SMC2: variants seen among roughly 807,000 people sequenced by gnomAD.
SMC2 encodes the protein structural maintenance of chromosomes 2.
A neutral mutation model predicts 142.6 loss-of-function variants in SMC2; 41 were observed. The ratio of observed to expected loss-of-function variants is 0.29; its 90% CI spans 0.22 to 0.37. SMC2 has a LOEUF of 0.37. Ranked by LOEUF, SMC2 falls within the 10% of genes least tolerant of loss-of-function variation. The pLI, the probability that SMC2 is intolerant of heterozygous loss-of-function variation, is 1.00. For synonymous variants in SMC2, 463 were observed against 457.5 expected, an observed-to-expected ratio of 1.01 and a Z score of -0.15; for missense variants, 1,265 against 1,373.7, an observed-to-expected ratio of 0.92 and a Z score of 1.25.
At position 104,097,524 on chromosome 9, in the gene SMC2, A is replaced by AG. The variant is rs1830591207; in HGVS notation, c.319-922_319-921insG. Among the ~76,000 whole-genome samples the AG allele has an allele frequency of 1.3e-5, 2 of 151,122 alleles. 1 individual carries two copies. The highest frequency in any genetic ancestry group is 4.1e-4 in the South Asian group (2 of 4,820). On this transcript the variant is annotated intron_variant, in intron 3 of 24. Coordinates refer to ENST00000374793, the MANE Select transcript of SMC2 (RefSeq NM_006444.3). ...CCTCTGGTTGAAAAAAAAAAAAAAA[A>AG]AAGAAGCGTAGGCCACGTTAGGACA...
chr9:104,088,815 A>G, the SMC2 span, among the ~76,000 whole-genome samples: 1 of 152,256 alleles, frequency 6.6e-6, no homozygotes, highest in African/African-American at 2.4e-5. Context: ...TTCCTTGGAG[A>G]CAGGCAGACA....
intron 23 of SMC2, among the ~76,000 whole-genome samples, chr9:104,135,688 G>A (rs1835450007): frequency 6.6e-6 from 1 of 152,158 alleles, no homozygotes; most frequent in Non-Finnish European, 1.5e-5. Context: ...AAAGCAGCTA[G>A]AGGAAAAGAG....
chr9:104,131,593 G>C (rs1834973768), intron 21 of SMC2, among the ~76,000 whole-genome samples: 1 of 151,192 alleles, frequency 6.6e-6, no homozygotes. Flanking sequence ...TCACTGCTAA[G>C]GCTGACCTTA....
At chr9:104,123,493 CTT>C (rs1833948594) in intron 17 of SMC2, among the ~76,000 whole-genome samples, 2 of 152,152 alleles carry the variant, frequency 1.3e-5, no homozygotes, top group South Asian at 4.1e-4. Flanking sequence ...TTTCTCCAGA[CTT>C]TTAAAATTTT....
upstream of SMC2, among the ~76,000 whole-genome samples, chr9:104,091,165 A>G (rs1466390680): frequency 6.6e-6 from 1 of 152,242 alleles, no homozygotes; most frequent in Non-Finnish European, 1.5e-5. Flanking sequence ...TTGCCTAACG[A>G]CGAGATACGT....
intron 9 of SMC2, among the ~76,000 whole-genome samples, chr9:104,104,423 G>A (rs979177481): frequency 2.0e-5 from 3 of 152,128 alleles, no homozygotes; most frequent in East Asian, 1.9e-4. Context: ...TTATTTGCAC[G>A]TGCTCAACTT....
At chr9:104,138,315 T>C in intron 24 of SMC2, 150 bp downstream of exon 24, 1 of 615,298 alleles carries the variant, frequency 1.6e-6, no homozygotes, top group Non-Finnish European at 2.5e-6. Context: ...TATGTTTAAA[T>C]AGGTATAGAA....
chr9:104,101,776 T>G (rs960086442), intron 7 of SMC2, among the ~76,000 whole-genome samples, 184 bp from the exon 8 acceptor site: 2 of 152,218 alleles, frequency 1.3e-5, no homozygotes, highest in Admixed American at 6.5e-5. Context: ...CTAGAGATGG[T>G]AGAATGCTAT....
intron 4 of SMC2, 24 bp downstream of exon 4, chr9:104,098,592 T>A (rs201849086): frequency 6.4e-7 from 1 of 1,574,658 alleles, no homozygotes; most frequent in Non-Finnish European, 8.6e-7. Context: ...GGTCTTTATA[T>A]CACTTTCGTA....
Position 104,138,120 on chromosome 9 carries a change from C to A in SMC2, c.3372C>A (p.Thr1124=). The A allele has an allele frequency of 1.2e-6, 2 of 1,608,898 alleles. No individual in the cohort carries two copies. Among genetic ancestry groups the A allele is most frequent in the Non-Finnish European group, 1.7e-6 (2 of 1,176,690 alleles). Residue 1124 remains threonine, a synonymous_variant, in exon 24 of 25, where the codon ACC becomes ACA. Transcript: ENST00000374793. ...EVDAALDLSH[T]QNIGQMLRTH... ...ATGCAGCCTTGGATCTTTCTCATAC[C>A]CAAAACATTGGACAGATGCTGCGTA...
intron 21 of SMC2, 128 bp from the exon 22 acceptor site, chr9:104,131,881 A>G (rs1835014498): frequency 8.6e-6 from 5 of 583,544 alleles, no homozygotes. Flanking sequence ...AGTGCATTAT[A>G]TCTTTTTGGT....
chr9:104,134,168 A>G (rs952075061), intron 22 of SMC2, among the ~76,000 whole-genome samples: 1 of 151,962 alleles, frequency 6.6e-6, no homozygotes. Context: ...CATATAGTAA[A>G]TATTTTTTGC....
chr9:104,102,316 GATAAT>G, intron 8 of SMC2, 103 bp from the exon 9 acceptor site: 1 of 1,144,032 alleles, frequency 8.7e-7, no homozygotes, highest in Non-Finnish European at 1.2e-6. Context: ...CTTATAGTAA[GATAAT>G]GAAATAACTT....
At position 104,113,455 on chromosome 9, in the gene SMC2, T is replaced by C. The variant is rs1398336625; in HGVS notation, c.1394T>C (p.Met465Thr). 1.2e-6 allele frequency: 2 copies of C among 1,600,988 alleles called. No homozygotes were observed. The highest frequency in any genetic ancestry group is 1.7e-6 in the Non-Finnish European group (2 of 1,175,140). ...CTTAAAGAAAAACTTGAAGCTGAAA[T>C]GAAAAAGCTAAATTATGAAGGTTTG... ...KRLKEKLEAE[M>T]KKLNYEENKE... The change falls in exon 11 of 25, where the codon ATG becomes ACG. Residue 465 changes from methionine (M) to threonine (T), a missense_variant. By Grantham distance (81) the Met-to-Thr change is moderately conservative. Transcript: ENST00000374793.
Position 104,139,946 on chromosome 9 carries a change from T to C in SMC2, c.*631T>C, listed in dbSNP as rs528076702. 1 of 152,270 alleles carries C rather than the reference T, an allele frequency of 6.6e-6. No individual in the cohort carries two copies. The highest frequency in any genetic ancestry group is 2.4e-5 in the African/African-American group (1 of 41,570). 9.4% of individuals were successfully genotyped at this position (152,270 alleles called of 1,614,324 possible). A position where few individuals can be genotyped will look rare whatever the true frequency, so the allele number is the denominator to read the frequency against. On this transcript the variant is annotated 3_prime_UTR_variant, in exon 25 of 25. Transcript: ENST00000374793. ...TTGGTCTCTACGTTTTAATGATACA[T>C]GAATATCATGTTCCTATACGCTTAA...
Position 104,118,297 on chromosome 9 carries a change from G to T in SMC2, c.1918G>T (p.Ala640Ser), listed in dbSNP as rs139309078. ...CAATATGGATAATGCCAAAAAAGTG[G>T]CCTTTGATAAGAGGATAATGACTAG... ...CDNMDNAKKV[A>S]FDKRIMTRTV... Residue 640 changes from alanine to serine, a missense_variant, in exon 15 of 25, where the codon GCC (alanine) becomes TCC (serine). Transcript: ENST00000374793. 3.2e-5 allele frequency: 51 copies of T among 1,613,400 alleles called. No homozygotes were observed. In the African/African-American group the frequency reaches 6.7e-4, roughly 21 times the overall value.
rs201330357 is a variant in SMC2, at chr9:104,117,166, C to CTTTCT, written c.1791+850_1791+854dup. On this transcript the variant is annotated intron_variant, in intron 14 of 24. Transcript: ENST00000374793. The stretch of plus-strand genomic sequence containing the variant: ...TGAAAGGTGATGTTTTTGGTTGGTA[C>CTTTCT]TTTCTTTACTTGAAAACTCACCATT... Among the ~76,000 whole-genome samples the CTTTCT allele has an allele frequency of 1.2e-3, 178 of 152,228 alleles. No homozygotes were observed. In the East Asian group the frequency reaches 0.025, roughly 22 times the overall value.
chr9:104,110,416 T>G (rs79531152), intron 9 of SMC2, among the ~76,000 whole-genome samples: 8,624 of 152,280 alleles, frequency 0.057, 651 homozygotes, highest in African/African-American at 0.18. Flanking sequence ...TTTTTCTAGC[T>G]TTATTGCAAG....
upstream of SMC2, among the ~76,000 whole-genome samples, chr9:104,093,266 G>A (rs934826684): frequency 6.6e-6 from 1 of 152,018 alleles, no homozygotes; most frequent in African/African-American, 2.4e-5. Context: ...AACGTGCTTG[G>A]AAACGTGAGC....
Sources: gnomAD v4.1 joint callset for allele counts (sites outside exome capture counted in the v4.1 genomes callset) on GRCh38, gnomAD v4.1.1 for gene constraint, MANE v1.5 for transcripts, NCBI Gene and HGNC (gene_info 2026-07-23, HGNC 2026-07-21) for gene names.